The following CFDP1 variants were observed in gnomAD, a reference collection of about 807,000 sequenced individuals.
The protein encoded by CFDP1 is chromatin remodeling protein CFDP1.
A neutral mutation model predicts 40.1 loss-of-function variants in CFDP1; 31 were observed. The observed-to-expected ratio is 0.77, with a 90% CI of 0.58 to 1.04. The LOEUF is 1.04. Among genes scored for constraint, CFDP1 ranks in the 50% least tolerant of loss-of-function variants. CFDP1 has a pLI of 0.00. For missense variants in CFDP1, 423 were observed against 343.4 expected (o/e 1.23, Z -1.83); for synonymous variants, 167 against 120.0 (o/e 1.39, Z -2.56).
At chr16:75,422,374 C>T (rs541335919) in intron 1 of CFDP1, among the ~76,000 whole-genome samples, 19 of 149,738 alleles carry the variant, frequency 1.3e-4, no homozygotes, top group African/African-American at 4.4e-4. Context: ...GGATTACAGG[C>T]GTGAGCCACT....
chr16:75,411,735 A>G, intron 4 of CFDP1, 90 bp downstream of exon 4: 1 of 1,276,694 alleles, frequency 7.8e-7, no homozygotes. Flanking sequence ...ATTATGATGG[A>G]TTGAAAAGAG....
chr16:75,320,702 T>C (rs982606073), intron 5 of CFDP1, among the ~76,000 whole-genome samples: 4 of 152,140 alleles, frequency 2.6e-5, no homozygotes, highest in South Asian at 2.1e-4. Flanking sequence ...TCTGCAAGGA[T>C]TGCATGAGTG....
rs573784641 is a variant in CFDP1, at chr16:75,385,561, G to A, written c.650+9529C>T. ...GTTGAAAAAAAAAATTCTAATAAAAGAAAAAAGTAGAAACTGCATAGTACA... is the reference window on the plus strand; with the variant it reads ...GTTGAAAAAAAAAATTCTAATAAAAAAAAAAAGTAGAAACTGCATAGTACA... On this transcript the variant is annotated intron_variant, in intron 5 of 6. Coordinates refer to ENST00000283882, the MANE Select transcript of CFDP1 (RefSeq NM_006324.3). Among the ~76,000 whole-genome samples the A allele has an allele frequency of 1.7e-4, 26 of 151,832 alleles. No homozygotes were observed. In the South Asian group the frequency reaches 4.6e-3, roughly 27 times the overall value.
chr16:75,311,888 T>C (rs912361888), intron 5 of CFDP1, among the ~76,000 whole-genome samples: 3 of 151,666 alleles, frequency 2.0e-5, no homozygotes, highest in Non-Finnish European at 4.4e-5. Context: ...TATAGGCTCA[T>C]ACAATTGCAT....
intron 5 of CFDP1, among the ~76,000 whole-genome samples, chr16:75,332,436 G>A (rs892454519): frequency 2.0e-5 from 3 of 152,024 alleles, no homozygotes; most frequent in Admixed American, 2.0e-4. Context: ...CTGCACTCCA[G>A]CCTGGGTGAC....
intron 1 of CFDP1, among the ~76,000 whole-genome samples, chr16:75,427,547 G>C (rs1224667185): frequency 6.6e-6 from 1 of 151,976 alleles, no homozygotes; most frequent in African/African-American, 2.4e-5. Context: ...CACCGCGCTC[G>C]GCCCCAAATT....
At chr16:75,384,852 C>CCATATATATATA in intron 5 of CFDP1, among the ~76,000 whole-genome samples, 1 of 120,000 alleles carries the variant, frequency 8.3e-6, no homozygotes, top group South Asian at 2.6e-4. Flanking sequence ...GAAACTAAAA[C>CCATATATATATA]TATATATATA....
At chr16:75,321,109 A>G (rs2078360099) in intron 5 of CFDP1, among the ~76,000 whole-genome samples, 1 of 152,004 alleles carries the variant, frequency 6.6e-6, no homozygotes, top group Admixed American at 6.6e-5. Context: ...CTAACAGCTA[A>G]TACTTTAATA....
intron 5 of CFDP1, among the ~76,000 whole-genome samples, chr16:75,377,815 GC>G (rs2078814931): frequency 6.6e-6 from 1 of 152,146 alleles, no homozygotes; most frequent in East Asian, 1.9e-4. Context: ...ACATGCAGTT[GC>G]CCCAAACTGC....
intron 5 of CFDP1, among the ~76,000 whole-genome samples, chr16:75,371,125 T>A (rs1293018998): frequency 1.3e-5 from 2 of 152,238 alleles, no homozygotes; most frequent in Non-Finnish European, 2.9e-5. Flanking sequence ...TGGGAACTAC[T>A]AACATTTTGA....
At chr16:75,398,973 T>C (rs1170690699) in intron 4 of CFDP1, among the ~76,000 whole-genome samples, 1 of 142,574 alleles carries the variant, frequency 7.0e-6, no homozygotes, top group Non-Finnish European at 1.5e-5. Context: ...AGGAGAATAG[T>C]GGGAACCCGG....
chr16:75,423,209 A>T (rs1343955469), intron 1 of CFDP1, among the ~76,000 whole-genome samples: 2 of 147,040 alleles, frequency 1.4e-5, no homozygotes, highest in Non-Finnish European at 3.0e-5. Context: ...TGAACCCGGG[A>T]GGCAGGGCTG....
rs146939089 is a variant in CFDP1 at position 75,344,731 on chromosome 16, A to G, written c.651-39549T>C. ...GGTGGATCACAAGGTCAGGAGTTTG[A>G]TACCAGCCTGGCCAATATGGTGAAA... On this transcript the variant is annotated intron_variant, in intron 5 of 6. Coordinates refer to ENST00000283882, the MANE Select transcript of CFDP1 (RefSeq NM_006324.3). Among the ~76,000 whole-genome samples the G allele has an allele frequency of 6.5e-3, 987 of 152,212 alleles. 8 individuals carry two copies. The highest frequency in any genetic ancestry group is 0.017 in the Middle Eastern group (5 of 294).
intron 5 of CFDP1, among the ~76,000 whole-genome samples, chr16:75,333,122 C>CTTTTTTTT (rs1281826055): frequency 1.7e-4 from 15 of 87,164 alleles, no homozygotes; most frequent in African/African-American, 2.6e-4. Flanking sequence ...TACTCATGTT[C>CTTTTTTTT]TTTTTTTTTT....
intron 5 of CFDP1, among the ~76,000 whole-genome samples, chr16:75,334,199 C>CACCCTA (rs371461725): frequency 0.15 from 22,864 of 149,598 alleles, 2,442 homozygotes; most frequent in African/African-American, 0.3. Flanking sequence ...CTCCTCGCAG[C>CACCCTA]ACCCTAACCC....
At chr16:75,414,544 C>T (rs1330491908) in intron 2 of CFDP1, 34 bp downstream of exon 2, 1 of 1,269,744 alleles carries the variant, frequency 7.9e-7, no homozygotes, top group East Asian at 2.3e-5. Flanking sequence ...TGACAATAGC[C>T]CCTAACTTCT....
chr16:75,427,677 T>A (rs2079356833), intron 1 of CFDP1, among the ~76,000 whole-genome samples: 1 of 152,154 alleles, frequency 6.6e-6, no homozygotes, highest in African/African-American at 2.4e-5. Context: ...CACAAAAAAA[T>A]TTAGCAGCTT....
chr16:75,360,913 A>C (rs774377449), intron 5 of CFDP1, among the ~76,000 whole-genome samples: 3 of 152,238 alleles, frequency 2.0e-5, no homozygotes, highest in Non-Finnish European at 4.4e-5. Context: ...AAATAGTAAG[A>C]AACAGCAGTT....
At chr16:75,366,200 T>C (rs1206230909) in intron 5 of CFDP1, among the ~76,000 whole-genome samples, 2 of 152,186 alleles carry the variant, frequency 1.3e-5, no homozygotes, top group African/African-American at 4.8e-5. Flanking sequence ...TTTTTAGCAA[T>C]AAAAAGCAAT....
Sources: allele counts gnomAD v4.1 joint callset (sites outside exome capture counted in the v4.1 genomes callset), GRCh38; gene constraint gnomAD v4.1.1; transcripts MANE v1.5; gene names NCBI Gene and HGNC (gene_info 2026-07-23, HGNC 2026-07-21).